KSR1: variants seen among roughly 807,000 people sequenced by gnomAD.
KSR1 encodes kinase suppressor of ras.
KSR1 carries 35 observed loss-of-function variants against 92.9 expected under a neutral mutation model. The ratio of observed to expected loss-of-function variants is 0.38; its 90% CI spans 0.29 to 0.50. The LOEUF (loss-of-function observed/expected upper bound fraction) is 0.50. Among genes scored for constraint, KSR1 ranks in the 20% least tolerant of loss-of-function variants. KSR1 has a pLI of 0.94. For missense variants in KSR1, 972 were observed against 1,158.5 expected, an observed-to-expected ratio of 0.84 and a Z score of 2.34; for synonymous variants, 467 against 472.6, an observed-to-expected ratio of 0.99 and a Z score of 0.15.
intron 4 of KSR1, among the ~76,000 whole-genome samples, chr17:27,584,669 A>G (rs536413109): frequency 1.3e-5 from 2 of 152,324 alleles, no homozygotes; most frequent in Admixed American, 1.3e-4. Context: ...AACTCCAGCC[A>G]GTGACTGAGC....
intron 13 of KSR1, among the ~76,000 whole-genome samples, chr17:27,605,159 A>C (rs2073706331): frequency 6.6e-6 from 1 of 152,236 alleles, no homozygotes; most frequent in Admixed American, 6.5e-5. Flanking sequence ...TTCCTGGACA[A>C]TTAGATGTTG....
chr17:27,577,943 C>G lies in KSR1; in HGVS notation c.520+304C>G. On this transcript the variant is annotated intron_variant, in intron 3 of 20. Transcript: ENST00000644974. This position sits in a 1 kb window ranked among gnomAD's most constrained non-coding sequence, Gnocchi z 4.5. Reference sequence around the variant, plus strand: ...CTCTCTGTTGAGGGCTCTGTGTACCCTCTGCCAGCTTCCCACATTCCAGCC... The same window carrying G: ...CTCTCTGTTGAGGGCTCTGTGTACCGTCTGCCAGCTTCCCACATTCCAGCC... The G allele has an allele frequency of 2.1e-6, 1 of 484,018 alleles. No homozygotes were observed. The highest frequency in any genetic ancestry group is 4.0e-5 in the East Asian group (1 of 24,882). The allele number at this position is 484,018 out of a possible 1,614,324, so 30.0% of individuals were successfully genotyped here.
intron 9 of KSR1, among the ~76,000 whole-genome samples, chr17:27,593,455 T>A (rs561431263): frequency 5.4e-4 from 82 of 152,374 alleles, no homozygotes; most frequent in African/African-American, 1.9e-3. Flanking sequence ...CCGATGAGCA[T>A]GTGCCCAGTT....
chr17:27,526,877 C>T, intron 1 of KSR1: 1 of 656,210 alleles, frequency 1.5e-6, no homozygotes, highest in South Asian at 1.8e-5. Context: ...AGAGCTGCTC[C>T]AGCAGCATGC....
chr17:27,492,759 G>A (rs960477436), intron 1 of KSR1, among the ~76,000 whole-genome samples: 2 of 152,166 alleles, frequency 1.3e-5, no homozygotes, highest in African/African-American at 4.8e-5. Context: ...GCCCATAGAT[G>A]TTGGCTTGGA....
At chr17:27,472,636 CT>C (rs1342265709) in intron 1 of KSR1, among the ~76,000 whole-genome samples, 1 of 152,206 alleles carries the variant, frequency 6.6e-6, no homozygotes, top group Non-Finnish European at 1.5e-5. Flanking sequence ...AACCCCGTCT[CT>C]ACTAAAAGTA....
At chr17:27,467,668 A>G (rs1162088441) in intron 1 of KSR1, among the ~76,000 whole-genome samples, 2 of 152,224 alleles carry the variant, frequency 1.3e-5, no homozygotes, top group African/African-American at 2.4e-5. Flanking sequence ...TGGTCATTTT[A>G]TAGACAGGGG....
At chr17:27,500,341 A>G (rs546950821) in intron 1 of KSR1, among the ~76,000 whole-genome samples, 7 of 152,164 alleles carry the variant, frequency 4.6e-5, no homozygotes, top group Non-Finnish European at 1.0e-4. Context: ...TCCCAAGGCC[A>G]CCCAGCTGCT....
intron 1 of KSR1, among the ~76,000 whole-genome samples, chr17:27,536,205 C>G (rs538220804): frequency 6.6e-6 from 1 of 152,250 alleles, no homozygotes; most frequent in South Asian, 2.1e-4. Flanking sequence ...CCGAAGGGCC[C>G]CTCCCCGAGA....
chr17:27,503,185 T>C (rs1314579907), intron 1 of KSR1, among the ~76,000 whole-genome samples: 2 of 152,226 alleles, frequency 1.3e-5, no homozygotes, highest in African/African-American at 2.4e-5. Flanking sequence ...ATACTTCTTG[T>C]AAGTCTAAAG....
chr17:27,488,606 A>T (rs2068735001), intron 1 of KSR1, among the ~76,000 whole-genome samples: 1 of 152,078 alleles, frequency 6.6e-6, no homozygotes, highest in Non-Finnish European at 1.5e-5. Context: ...CCAAGACAGG[A>T]GGATTGCTTG....
chr17:27,585,311 G>T (rs544177308), intron 4 of KSR1, among the ~76,000 whole-genome samples: 1 of 152,276 alleles, frequency 6.6e-6, no homozygotes, highest in African/African-American at 2.4e-5. Flanking sequence ...GACCTACTGA[G>T]CCTCCTGAGG....
intron 1 of KSR1, among the ~76,000 whole-genome samples, chr17:27,491,392 C>T (rs2068827319): frequency 6.6e-6 from 1 of 151,310 alleles, no homozygotes; most frequent in Admixed American, 6.6e-5. Flanking sequence ...GTCTCGCTTT[C>T]TTGCCCAGGC....
intron 1 of KSR1, among the ~76,000 whole-genome samples, chr17:27,504,350 CT>C (rs955567241): frequency 6.6e-6 from 1 of 152,340 alleles, no homozygotes; most frequent in Non-Finnish European, 1.5e-5. Flanking sequence ...AGGGCAAAGT[CT>C]GTCTTTACCT....
chr17:27,603,084 G>A (rs1202844061), intron 11 of KSR1, among the ~76,000 whole-genome samples: 3 of 152,208 alleles, frequency 2.0e-5, no homozygotes, highest in African/African-American at 7.2e-5. Flanking sequence ...TGGCGGCCCT[G>A]GGGCCACCAA....
Position 27,548,122 on chromosome 17 carries a change from G to A in KSR1, c.232-2446G>A, listed in dbSNP as rs141531633. On this transcript the variant is annotated intron_variant, in intron 1 of 20. Coordinates refer to ENST00000644974, the MANE Select transcript of KSR1 (RefSeq NM_001394583.1). ...TTTCAAAGTATTGTTCTGTCCAGGT[G>A]CGATGGCTCACGCCTGTAATCCCAG... Among the ~76,000 whole-genome samples the A allele has an allele frequency of 6.5e-4, 98 of 151,880 alleles. No homozygotes were observed. In the Middle Eastern group the frequency reaches 0.01, roughly 16 times the overall value.
intron 9 of KSR1, among the ~76,000 whole-genome samples, chr17:27,593,239 C>T (rs1193842140): frequency 6.6e-6 from 1 of 152,260 alleles, no homozygotes; most frequent in African/African-American, 2.4e-5. Context: ...AAGCCTGTGT[C>T]CCCCAGGAGG....
At chr17:27,557,263 T>C (rs1173146769) in intron 2 of KSR1, among the ~76,000 whole-genome samples, 3 of 152,234 alleles carry the variant, frequency 2.0e-5, no homozygotes, top group African/African-American at 7.2e-5. Flanking sequence ...ACTGCAGAGA[T>C]TGGCACCCTG....
intron 1 of KSR1, among the ~76,000 whole-genome samples, chr17:27,471,648 G>A (rs1435615027): frequency 1.3e-5 from 2 of 152,190 alleles, no homozygotes; most frequent in Non-Finnish European, 1.5e-5. Flanking sequence ...CCGCAGGAGA[G>A]AATTAATGCA....
Sources: gnomAD v4.1 joint callset for allele counts (sites outside exome capture counted in the v4.1 genomes callset) on GRCh38, gnomAD v4.1.1 for gene constraint, Gnocchi (gnomAD v3.1) non-coding constraint, MANE v1.5 for transcripts, NCBI Gene and HGNC (gene_info 2026-07-23, HGNC 2026-07-21) for gene names.